The following TMPRSS4 variants were observed in gnomAD, a reference collection of about 807,000 sequenced individuals.
TMPRSS4 encodes transmembrane protease serine 4.
TMPRSS4 carries 45 observed loss-of-function variants against 56.4 expected under a neutral mutation model. The ratio of observed to expected loss-of-function variants is 0.80; its 90% CI spans 0.63 to 1.02. TMPRSS4 has a LOEUF of 1.02. TMPRSS4 is among the 50% of genes least tolerant of loss of function. The probability of loss-of-function intolerance (pLI) is 0.00; values close to 1 mark genes in which losing one functional copy is unlikely to be tolerated. For missense variants in TMPRSS4, 546 were observed against 556.7 expected (o/e 0.98, Z 0.19); for synonymous variants, 205 against 211.0 (o/e 0.97, Z 0.25).
chr11:118,087,038 A>G (rs1945614186), intron 1 of TMPRSS4, among the ~76,000 whole-genome samples: 1 of 149,462 alleles, frequency 6.7e-6, no homozygotes, highest in African/African-American at 2.5e-5. Context: ...TACTGGCCTC[A>G]GCAACCTAAC....
At chr11:118,099,236 T>G in intron 3 of TMPRSS4, 138 bp downstream of exon 3, 2 of 471,210 alleles carry the variant, frequency 4.2e-6, no homozygotes, top group Non-Finnish European at 7.1e-6. Context: ...GTCCCACCCC[T>G]GCCCTCACCC....
chr11:118,115,237 T>C lies in TMPRSS4; in HGVS notation c.1109T>C (p.Met370Thr). 3.7e-6 allele frequency: 6 copies of C among 1,611,462 alleles called. No individual in the cohort carries two copies. The highest frequency in any genetic ancestry group is 5.1e-6 in the Non-Finnish European group (6 of 1,179,524). ...DAYQGEVTEKMMCAGIPEGGV... is the reference protein window; with the variant it reads ...DAYQGEVTEKTMCAGIPEGGV... ...TACCAGGGGGAAGTCACCGAGAAGATGATGTGTGCAGGCATCCCGGAAGGG... is the reference window on the plus strand; with the variant it reads ...TACCAGGGGGAAGTCACCGAGAAGACGATGTGTGCAGGCATCCCGGAAGGG... The change falls in exon 11 of 13, where the codon ATG becomes ACG. Residue 370 changes from methionine to threonine, a missense_variant. Met to Thr is a moderately conservative substitution (Grantham distance 81). Coordinates refer to ENST00000437212, the MANE Select transcript of TMPRSS4 (RefSeq NM_019894.4).
chr11:118,117,753 G>C, intron 12 of TMPRSS4, 149 bp from the exon 13 acceptor site: 1 of 1,534,108 alleles, frequency 6.5e-7, no homozygotes. Flanking sequence ...AAGGAAGAGA[G>C]TGGAAAGGCT....
intron 1 of TMPRSS4, among the ~76,000 whole-genome samples, chr11:118,080,888 C>G (rs970382447): frequency 1.3e-5 from 2 of 152,174 alleles, no homozygotes; most frequent in Non-Finnish European, 2.9e-5. Context: ...AAAACATCAG[C>G]CTCAGTAAAA....
At chr11:118,077,390 A>C in intron 1 of TMPRSS4, 85 bp downstream of exon 1, 1 of 1,455,972 alleles carries the variant, frequency 6.9e-7, no homozygotes, top group South Asian at 1.4e-5. Flanking sequence ...AGCATCCATC[A>C]GCTGAGAATT....
At chr11:118,091,014 C>T (rs917836203) in intron 1 of TMPRSS4, among the ~76,000 whole-genome samples, 15 of 152,234 alleles carry the variant, frequency 9.9e-5, no homozygotes, top group South Asian at 2.1e-4. Flanking sequence ...GCCCTACCTA[C>T]CTCAATGAAT....
chr11:118,115,382 T>C (rs1222165179), intron 11 of TMPRSS4, 102 bp downstream of exon 11: 2 of 1,386,558 alleles, frequency 1.4e-6, no homozygotes, highest in African/African-American at 2.9e-5. Flanking sequence ...GCCTTGCATA[T>C]CATGGGCACT....
chr11:118,094,943 C>T (rs1565420028), intron 2 of TMPRSS4, 88 bp downstream of exon 2: 1 of 1,346,608 alleles, frequency 7.4e-7, no homozygotes, highest in Non-Finnish European at 1.0e-6. Context: ...GCCTGGCCCT[C>T]ACCACCACCA....
chr11:118,085,220 C>CTTA (rs1162764716), intron 1 of TMPRSS4, among the ~76,000 whole-genome samples: 1 of 122,780 alleles, frequency 8.1e-6, no homozygotes, highest in African/African-American at 2.8e-5. Flanking sequence ...GTCAGATCTT[C>CTTA]TTCTTCTTTT....
chr11:118,090,932 C>G (rs775365220), intron 1 of TMPRSS4, among the ~76,000 whole-genome samples: 1 of 152,154 alleles, frequency 6.6e-6, no homozygotes, highest in Non-Finnish European at 1.5e-5. Context: ...GCCTCAGCTT[C>G]TAGCACTATT....
downstream of TMPRSS4, among the ~76,000 whole-genome samples, chr11:118,122,090 C>A (rs1282902981): frequency 6.6e-6 from 1 of 151,120 alleles, no homozygotes; most frequent in East Asian, 1.9e-4. Flanking sequence ...CAAGCAAGTA[C>A]AAAAGAGAAA....
At position 118,112,379 on chromosome 11, in the gene TMPRSS4, CTTTTTTTTTTTT is replaced by C. The variant is rs71469160; in HGVS notation, c.743+499_743+510del. 5.2e-4 allele frequency among the ~76,000 whole-genome samples: 24 copies of C among 45,728 alleles called. No individual in the cohort carries two copies. In the South Asian group the frequency reaches 0.019, roughly 36 times the overall value. The allele number at this position is 45,728 out of a possible 152,430, so 30.0% of individuals were successfully genotyped here. A position where few individuals can be genotyped will look rare whatever the true frequency, so the allele number is the denominator to read the frequency against. Reference sequence around the variant, plus strand: ...AAGGGCTACTCCCAGACCCCCTTCACTTTTTTTTTTTTTTTTTTTTTTTTTTTTTTTGAGACA... The same window carrying C: ...AAGGGCTACTCCCAGACCCCCTTCACTTTTTTTTTTTTTTTTTTTGAGACA... On this transcript the variant is annotated intron_variant, in intron 8 of 12. Transcript: ENST00000437212.
In TMPRSS4 at chr11:118,119,493, T is replaced by A; in HGVS notation, c.*1580T>A. ...TGGGCAGCATAAAAAACAGCTAATT[T>A]AGAACCCCAAAGGCTTCAGATGTCA... On this transcript the variant is annotated 3_prime_UTR_variant, in exon 13 of 13. Coordinates refer to ENST00000437212, the MANE Select transcript of TMPRSS4 (RefSeq NM_019894.4). 1 of 349,678 alleles carries A rather than the reference T, an allele frequency of 2.9e-6. No homozygotes were observed. The highest frequency in any genetic ancestry group is 4.0e-6 in the Non-Finnish European group (1 of 249,046). The allele number at this position is 349,678 out of a possible 1,614,324, so 21.7% of individuals were successfully genotyped here.
At chr11:118,102,176 G>C (rs1243426038) in intron 3 of TMPRSS4, among the ~76,000 whole-genome samples, 1 of 151,828 alleles carries the variant, frequency 6.6e-6, no homozygotes, top group Non-Finnish European at 1.5e-5. Flanking sequence ...CCCCCGACAG[G>C]CCCCAGTGTG....
In TMPRSS4 at chr11:118,118,109, A is replaced by G. The variant is rs1401802618; in HGVS notation, c.*196A>G. Reference sequence around the variant, plus strand: ...AGCCCAGAGGCGCCCAGAGGAAGTCAGCAGCCCTAGCTCGGCCACACTTGG... The same window carrying G: ...AGCCCAGAGGCGCCCAGAGGAAGTCGGCAGCCCTAGCTCGGCCACACTTGG... On this transcript the variant is annotated 3_prime_UTR_variant, in exon 13 of 13. Transcript: ENST00000437212. 1.3e-5 allele frequency: 18 copies of G among 1,438,162 alleles called. No homozygotes were observed. The highest frequency in any genetic ancestry group is 1.5e-5 in the Non-Finnish European group (17 of 1,102,004). 89.1% of individuals were successfully genotyped at this position (1,438,162 alleles called of 1,614,324 possible).
intron 11 of TMPRSS4, among the ~76,000 whole-genome samples, chr11:118,116,343 G>A (rs576708430): frequency 2.6e-5 from 4 of 152,258 alleles, no homozygotes; most frequent in Non-Finnish European, 4.4e-5. Flanking sequence ...CTTAGTCATC[G>A]CATGTGTGCC....
Position 118,115,234 on chromosome 11 carries a change from AGAT to A in TMPRSS4, c.1111_1113del (p.Met371del), listed in dbSNP as rs1249651892. ...GCGTACCAGGGGGAAGTCACCGAGA[AGAT>A]GATGTGTGCAGGCATCCCGGAAGGG... On this transcript the variant is annotated inframe_deletion, in exon 11 of 13. Coordinates refer to ENST00000437212, the MANE Select transcript of TMPRSS4 (RefSeq NM_019894.4). 1 of 1,612,896 alleles carries A rather than the reference AGAT, an allele frequency of 6.2e-7. No individual in the cohort carries two copies. The highest frequency in any genetic ancestry group is 8.5e-7 in the Non-Finnish European group (1 of 1,179,922).
chr11:118,099,571 C>T (rs879859371), intron 3 of TMPRSS4, among the ~76,000 whole-genome samples: 5 of 152,152 alleles, frequency 3.3e-5, no homozygotes, highest in Non-Finnish European at 7.4e-5. Context: ...ACTCAGCCCC[C>T]ATCTGTTCCA....
In TMPRSS4 at chr11:118,111,792, C is replaced by T; in HGVS notation, c.635C>T (p.Ser212Phe). The T allele has an allele frequency of 6.2e-7, 1 of 1,604,680 alleles. No individual in the cohort carries two copies. Among genetic ancestry groups the T allele is most frequent in the Non-Finnish European group, 8.5e-7 (1 of 1,175,960 alleles). Residue 212 changes from serine to phenylalanine, a missense_variant, in exon 8 of 13, where the codon TCT (serine) becomes TTT (phenylalanine). Coordinates refer to ENST00000437212, the MANE Select transcript of TMPRSS4 (RefSeq NM_019894.4). Reference protein sequence around the residue: ...TPRVVGVEEASVDSWPWQVSI... With the variant: ...TPRVVGVEEAFVDSWPWQVSI... ...CGTGTGGTGGGTGTGGAGGAGGCCT[C>T]TGTGGATTCTTGGCCTTGGCAGGTC...
Sources: gnomAD v4.1 joint callset for allele counts (sites outside exome capture counted in the v4.1 genomes callset) on GRCh38, gnomAD v4.1.1 for gene constraint, MANE v1.5 for transcripts, NCBI Gene and HGNC (gene_info 2026-07-23, HGNC 2026-07-21) for gene names.